PRDM5: variants seen among roughly 807,000 people sequenced by gnomAD.
PRDM5 encodes the protein PR domain zinc finger protein 5.
In PRDM5, 56 loss-of-function variants were observed where a neutral mutation model predicts 81.2. That is an observed-to-expected ratio of 0.69 (90% CI 0.56 to 0.86). PRDM5 has a LOEUF of 0.86. PRDM5 is among the 40% of genes least tolerant of loss of function. The pLI, the probability that PRDM5 is intolerant of heterozygous loss-of-function variation, is 0.00. For missense variants in PRDM5, 697 were observed against 770.1 expected (o/e 0.91, Z 1.12); for synonymous variants, 267 against 256.4 (o/e 1.04, Z -0.39).
rs534027106 is a variant in PRDM5 at position 120,900,413 on chromosome 4, G to C, written c.177+7061C>G. On this transcript the variant is annotated intron_variant, in intron 2 of 15. Transcript: ENST00000264808. ...AGGATTTTAGGAGTTAAATGTCAAG[G>C]AAGTAGATGAGGACCAAATATAGAT... Among the ~76,000 whole-genome samples, 3 of 152,288 alleles carry C rather than the reference G, an allele frequency of 2.0e-5. No individual in the cohort carries two copies. In the South Asian group the frequency reaches 6.2e-4, roughly 32 times the overall value.
intron 8 of PRDM5, among the ~76,000 whole-genome samples, chr4:120,801,273 T>C (rs1346388423): frequency 8.5e-5 from 13 of 152,232 alleles, no homozygotes; most frequent in Non-Finnish European, 4.4e-5. Flanking sequence ...GTCCCTGAAC[T>C]GGTACAGCAC....
At chr4:120,865,627 A>C (rs1383600099) in intron 2 of PRDM5, among the ~76,000 whole-genome samples, 1 of 152,212 alleles carries the variant, frequency 6.6e-6, no homozygotes, top group Non-Finnish European at 1.5e-5. Flanking sequence ...TCGAGGTCAG[A>C]TGACTGCTAG....
intron 8 of PRDM5, among the ~76,000 whole-genome samples, chr4:120,804,886 C>A (rs1020148712): frequency 6.6e-6 from 1 of 151,896 alleles, no homozygotes; most frequent in African/African-American, 2.4e-5. Flanking sequence ...CACAAAAAAC[C>A]CTTCAAAAAA....
At chr4:120,769,924 C>A (rs1746991023) in intron 13 of PRDM5, among the ~76,000 whole-genome samples, 1 of 152,190 alleles carries the variant, frequency 6.6e-6, no homozygotes, top group South Asian at 2.1e-4. Context: ...AGCTATGAAG[C>A]TAGATGTTAA....
chr4:120,809,389 T>C (rs1023277233), intron 8 of PRDM5, among the ~76,000 whole-genome samples: 2 of 149,800 alleles, frequency 1.3e-5, no homozygotes, highest in African/African-American at 4.9e-5. Context: ...ACTTAAAGTA[T>C]AATAAAAAAA....
intron 14 of PRDM5, among the ~76,000 whole-genome samples, chr4:120,720,069 A>G (rs1048937990): frequency 3.1e-4 from 47 of 152,234 alleles, no homozygotes; most frequent in East Asian, 1.9e-4. Context: ...TAGATTCCCA[A>G]AACCTGGCCC....
chr4:120,823,085 A>G (rs1578879118), intron 3 of PRDM5, among the ~76,000 whole-genome samples: 1 of 152,206 alleles, frequency 6.6e-6, no homozygotes, highest in Non-Finnish European at 1.5e-5. Flanking sequence ...CTGTTTGGGT[A>G]ACCCACTAAC....
At chr4:120,738,543 T>A (rs1741447514) in intron 14 of PRDM5, among the ~76,000 whole-genome samples, 1 of 152,174 alleles carries the variant, frequency 6.6e-6, no homozygotes. Context: ...CTTTCCTGGG[T>A]CTCCCAAATC....
At chr4:120,695,969 TGA>T (rs1560877475) in intron 15 of PRDM5, among the ~76,000 whole-genome samples, 1 of 152,030 alleles carries the variant, frequency 6.6e-6, no homozygotes, top group African/African-American at 2.4e-5. Flanking sequence ...AAAAATATAA[TGA>T]GAGAGGAAAT....
downstream of PRDM5, among the ~76,000 whole-genome samples, chr4:120,684,443 G>A (rs1040424077): frequency 1.3e-5 from 2 of 151,868 alleles, no homozygotes; most frequent in Non-Finnish European, 2.9e-5. Context: ...TCTAACGATA[G>A]CAAGACTAAA....
chr4:120,787,720 A>G (rs1281496967), intron 10 of PRDM5, among the ~76,000 whole-genome samples: 1 of 152,202 alleles, frequency 6.6e-6, no homozygotes, highest in Non-Finnish European at 1.5e-5. Flanking sequence ...ATGATGGATT[A>G]GCCACTAACA....
chr4:120,738,760 A>C (rs1459221142), intron 14 of PRDM5, among the ~76,000 whole-genome samples: 2 of 152,216 alleles, frequency 1.3e-5, no homozygotes. Context: ...TAAAATATAG[A>C]AGAATATTAC....
intron 14 of PRDM5, among the ~76,000 whole-genome samples, chr4:120,752,461 C>G (rs1047381123): frequency 1.3e-5 from 2 of 152,150 alleles, no homozygotes; most frequent in Non-Finnish European, 2.9e-5. Flanking sequence ...TTCCCTTAGT[C>G]AAAGCCTAGA....
intron 1 of PRDM5, among the ~76,000 whole-genome samples, chr4:120,908,119 G>C (rs185265480): frequency 4.5e-4 from 68 of 152,222 alleles, no homozygotes; most frequent in African/African-American, 1.5e-3. Context: ...ACATGCATGA[G>C]AAACACCCGT....
rs1303361776 is a variant in PRDM5 at position 120,725,489 on chromosome 4, A to G, written c.1624-15076T>C. Among the ~76,000 whole-genome samples, 142 of 152,188 alleles carry G rather than the reference A, an allele frequency of 9.3e-4. 2 individuals carry two copies. The highest frequency in any genetic ancestry group is 1.9e-4 in the Non-Finnish European group (13 of 68,000). ...AGATCACATTTCACTTTTTTTCCTA[A>G]TAGGCCTTGGTGACTTTTTACCTAC... On this transcript the variant is annotated intron_variant, in intron 14 of 15. Transcript: ENST00000264808.
chr4:120,747,950 C>A (rs571907044), intron 14 of PRDM5, among the ~76,000 whole-genome samples: 3 of 152,092 alleles, frequency 2.0e-5, no homozygotes, highest in African/African-American at 2.4e-5. Context: ...AGGGGTTATA[C>A]GAGACGTGAA....
chr4:120,869,895 C>G (rs532912707), intron 2 of PRDM5, among the ~76,000 whole-genome samples: 12 of 152,120 alleles, frequency 7.9e-5, no homozygotes, highest in Middle Eastern at 3.4e-3. Context: ...CTCAATTAAC[C>G]CATGCATGAA....
chr4:120,739,038 A>G (rs1741517703), intron 14 of PRDM5, among the ~76,000 whole-genome samples: 1 of 152,214 alleles, frequency 6.6e-6, no homozygotes, highest in South Asian at 2.1e-4. Context: ...TGAAGGCTCA[A>G]CTAAGCTAGA....
chr4:120,782,591 C>T (rs1449425677), intron 11 of PRDM5, among the ~76,000 whole-genome samples: 16 of 152,094 alleles, frequency 1.1e-4, no homozygotes, highest in Admixed American at 9.2e-4. Flanking sequence ...AACAAAGTCA[C>T]GTCCATACAA....
Sources: gnomAD v4.1 joint callset for allele counts (sites outside exome capture counted in the v4.1 genomes callset) on GRCh38, gnomAD v4.1.1 for gene constraint, MANE v1.5 for transcripts, NCBI Gene and HGNC (gene_info 2026-07-23, HGNC 2026-07-21) for gene names.